Variants in SLIT3 observed in about 807,000 individuals in gnomAD.
The protein encoded by SLIT3 is slit homolog 3 protein.
A neutral mutation model predicts 184.0 loss-of-function variants in SLIT3; 68 were observed. The ratio of observed to expected loss-of-function variants is 0.37; its 90% CI spans 0.30 to 0.45. SLIT3 has a LOEUF of 0.45. Ranked by LOEUF, SLIT3 falls within the 20% of genes least tolerant of loss-of-function variation. The pLI is 1.00. For synonymous variants in SLIT3, 831 were observed against 828.6 expected, an observed-to-expected ratio of 1.00 and a Z score of -0.05; for missense variants, 1,707 against 2,026.0, an observed-to-expected ratio of 0.84 and a Z score of 3.02.
intron 4 of SLIT3, among the ~76,000 whole-genome samples, chr5:169,089,553 C>T (rs1020004487): frequency 3.3e-5 from 5 of 152,184 alleles, no homozygotes; most frequent in South Asian, 4.1e-4. Flanking sequence ...ACCCAAATCC[C>T]GTGCACTCTC....
At chr5:169,186,427 T>C (rs297887) in intron 4 of SLIT3, among the ~76,000 whole-genome samples, 119,903 of 152,172 alleles carry the variant, frequency 0.79, 47,560 homozygotes, top group East Asian at 0.87. Flanking sequence ...TGAGAAAATA[T>C]ATTTCTGTAG....
chr5:168,956,819 G>T (rs1169744452), intron 4 of SLIT3, among the ~76,000 whole-genome samples: 1 of 151,668 alleles, frequency 6.6e-6, no homozygotes, highest in African/African-American at 2.4e-5. Flanking sequence ...AGAATCAGAA[G>T]GTAGCAAGAT....
At chr5:169,180,235 A>G (rs1275557866) in intron 4 of SLIT3, among the ~76,000 whole-genome samples, 5 of 152,130 alleles carry the variant, frequency 3.3e-5, no homozygotes, top group African/African-American at 1.2e-4. Flanking sequence ...CAAAGCCAAG[A>G]AGAGAATTGT....
chr5:168,749,700 G>A, intron 18 of SLIT3, 65 bp from the exon 19 acceptor site: 1 of 1,534,358 alleles, frequency 6.5e-7, no homozygotes, highest in South Asian at 1.1e-5. Flanking sequence ...GGGATCTGCT[G>A]CCCAGAGCCC....
At chr5:169,085,747 C>T (rs912440099) in intron 4 of SLIT3, among the ~76,000 whole-genome samples, 21 of 152,176 alleles carry the variant, frequency 1.4e-4, no homozygotes, top group African/African-American at 4.6e-4. Context: ...GCTCTGTCAT[C>T]GCTCTCATTT....
intron 3 of SLIT3, among the ~76,000 whole-genome samples, chr5:169,241,170 C>T (rs1320161490): frequency 2.0e-5 from 3 of 152,100 alleles, no homozygotes; most frequent in African/African-American, 4.8e-5. Context: ...TTAACTTTTT[C>T]CTATATCCCA....
intron 1 of SLIT3, among the ~76,000 whole-genome samples, chr5:169,293,520 A>G (rs1260896011): frequency 6.6e-6 from 1 of 152,200 alleles, no homozygotes; most frequent in Non-Finnish European, 1.5e-5. Flanking sequence ...ACTTTTGACC[A>G]TAATAACAAT....
At chr5:169,006,009 G>A (rs1755911624) in intron 4 of SLIT3, among the ~76,000 whole-genome samples, 1 of 152,192 alleles carries the variant, frequency 6.6e-6, no homozygotes. Context: ...ATTCCTCAGT[G>A]CCAGGCACTG....
At chr5:169,204,420 G>A (rs149833311) in intron 3 of SLIT3, among the ~76,000 whole-genome samples, 2 of 152,264 alleles carry the variant, frequency 1.3e-5, no homozygotes, top group East Asian at 1.9e-4. Flanking sequence ...GAGAGAAAAC[G>A]GGTTGATAGC....
intron 4 of SLIT3, among the ~76,000 whole-genome samples, chr5:169,186,514 T>C (rs961000629): frequency 5.9e-5 from 9 of 152,362 alleles, no homozygotes; most frequent in African/African-American, 2.2e-4. Context: ...AGCATTCCTA[T>C]TGTGTAGCTA....
At chr5:168,806,425 G>T in intron 9 of SLIT3, 21 bp downstream of exon 9, 3 of 1,613,944 alleles carry the variant, frequency 1.9e-6, no homozygotes, top group Middle Eastern at 1.7e-4. Context: ...GTTGTTGGGG[G>T]TGTCAGACAG....
chr5:168,992,343 G>A (rs1755358820), intron 4 of SLIT3, among the ~76,000 whole-genome samples: 1 of 152,234 alleles, frequency 6.6e-6, no homozygotes, highest in South Asian at 2.1e-4. Context: ...CAGACGCAAG[G>A]ACCCTCAACT....
In SLIT3 at chr5:168,785,904, C is replaced by T; in HGVS notation, c.1151+3G>A. On this transcript the variant is annotated splice_donor_region_variant and intron_variant, in intron 12 of 35. Coordinates refer to ENST00000519560, the MANE Select transcript of SLIT3 (RefSeq NM_003062.4). The stretch of plus-strand genomic sequence containing the variant: ...CACCAACAGTGACAAAGTTCCTACT[C>T]ACAGCAGCTGTAGGGACACCAGCCC... 1 of 1,609,696 alleles carries T rather than the reference C, an allele frequency of 6.2e-7. No individual in the cohort carries two copies. The highest frequency in any genetic ancestry group is 1.1e-5 in the South Asian group (1 of 90,994).
intron 8 of SLIT3, among the ~76,000 whole-genome samples, chr5:168,814,117 C>T (rs975505820): frequency 5.3e-5 from 8 of 152,060 alleles, no homozygotes; most frequent in African/African-American, 1.2e-4. Context: ...ACCACAGGGC[C>T]GGGTGCGGTG....
At chr5:169,037,132 G>T (rs982103747) in intron 4 of SLIT3, among the ~76,000 whole-genome samples, 3 of 152,000 alleles carry the variant, frequency 2.0e-5, no homozygotes, top group African/African-American at 4.8e-5. Flanking sequence ...AGTCTCATTC[G>T]TGCCTCTAAG....
intron 7 of SLIT3, among the ~76,000 whole-genome samples, chr5:168,820,720 T>C (rs1189997261): frequency 2.0e-5 from 3 of 152,182 alleles, no homozygotes; most frequent in East Asian, 3.9e-4. Flanking sequence ...TCCATGTTGA[T>C]GAAACCACCT....
chr5:169,056,203 A>G (rs1318828536), intron 4 of SLIT3, among the ~76,000 whole-genome samples: 3 of 152,024 alleles, frequency 2.0e-5, no homozygotes, highest in Non-Finnish European at 1.5e-5. Context: ...TAGGTTTGGA[A>G]CCTTTGCTAT....
rs188870605 is a variant in SLIT3, at chr5:168,823,453, C to T, written c.558-122G>A. Reference sequence around the variant, plus strand: ...AGACCATGAGTCAACAGTCATGGCCCAGCCAGTGGAGCAGCTGAAGACAAG... The same window carrying T: ...AGACCATGAGTCAACAGTCATGGCCTAGCCAGTGGAGCAGCTGAAGACAAG... On this transcript the variant is annotated intron_variant, in intron 6 of 35. Transcript: ENST00000519560. 1.4e-3 allele frequency: 1,079 copies of T among 773,984 alleles called. 12 individuals carry two copies. The African/African-American group carries it at 0.015, about 11-fold the overall frequency. 47.9% of individuals were successfully genotyped at this position (773,984 alleles called of 1,614,324 possible).
intron 15 of SLIT3, among the ~76,000 whole-genome samples, 164 bp downstream of exon 15, chr5:168,762,375 G>C (rs1228685052): frequency 2.6e-5 from 4 of 152,184 alleles, no homozygotes; most frequent in African/African-American, 7.2e-5. Flanking sequence ...CTGTCCACAG[G>C]AGATGCCTGG....
Sources: allele counts gnomAD v4.1 joint callset (sites outside exome capture counted in the v4.1 genomes callset), GRCh38; gene constraint gnomAD v4.1.1; transcripts MANE v1.5; gene names NCBI Gene and HGNC (gene_info 2026-07-23, HGNC 2026-07-21).